The following ALK variants were observed in gnomAD, a reference collection of about 807,000 sequenced individuals.
ALK encodes the protein ALK receptor tyrosine kinase.
A neutral mutation model predicts 163.1 loss-of-function variants in ALK; 74 were observed. That is an observed-to-expected ratio of 0.45 (90% confidence interval 0.38 to 0.55). The LOEUF (loss-of-function observed/expected upper bound fraction) is 0.55. ALK is among the 20% of genes least tolerant of loss of function. The pLI, the probability that ALK is intolerant of heterozygous loss-of-function variation, is 0.00. For synonymous variants in ALK, 960 were observed against 843.2 expected (o/e 1.14, Z -2.40); for missense variants, 2,063 against 2,105.3 (o/e 0.98, Z 0.39).
intron 3 of ALK, among the ~76,000 whole-genome samples, chr2:29,638,309 A>G (rs887353886): frequency 1.3e-5 from 2 of 152,206 alleles, no homozygotes; most frequent in African/African-American, 4.8e-5. Flanking sequence ...ACATCAACAC[A>G]TAGTAACTTT....
chr2:29,294,090 T>A (rs755955229), intron 9 of ALK, among the ~76,000 whole-genome samples: 6 of 152,194 alleles, frequency 3.9e-5, no homozygotes, highest in Non-Finnish European at 5.9e-5. Flanking sequence ...GTGGGGCAGG[T>A]GGCGCCAGGT....
chr2:29,443,477 TG>T (rs1670595951), intron 4 of ALK, among the ~76,000 whole-genome samples: 2 of 152,200 alleles, frequency 1.3e-5, no homozygotes, highest in Non-Finnish European at 2.9e-5. Flanking sequence ...AGTCTTTCTT[TG>T]GTCTTTTGGC....
chr2:29,627,811 A>C (rs536402937), intron 3 of ALK, among the ~76,000 whole-genome samples: 1 of 152,368 alleles, frequency 6.6e-6, no homozygotes, highest in African/African-American at 2.4e-5. Context: ...TAATTTATTC[A>C]TTACCATTTA....
At chr2:29,548,078 CTTCT>C (rs1259880179) in intron 3 of ALK, among the ~76,000 whole-genome samples, 1 of 152,264 alleles carries the variant, frequency 6.6e-6, no homozygotes, top group East Asian at 1.9e-4. Flanking sequence ...CTGCTTCTTT[CTTCT>C]TTTTCTTGCC....
At chr2:29,540,286 C>T (rs1000446352) in intron 3 of ALK, among the ~76,000 whole-genome samples, 2 of 152,034 alleles carry the variant, frequency 1.3e-5, no homozygotes, top group Non-Finnish European at 2.9e-5. Context: ...ATTTTAAGAC[C>T]TTGAGAAGGG....
intron 4 of ALK, among the ~76,000 whole-genome samples, chr2:29,527,862 C>T (rs887449483): frequency 1.1e-4 from 16 of 152,144 alleles, no homozygotes; most frequent in Middle Eastern, 3.4e-3. Context: ...TCACATCACC[C>T]GCCTGGGCTT....
At chr2:29,423,652 A>G (rs1670071596) in intron 4 of ALK, among the ~76,000 whole-genome samples, 1 of 152,250 alleles carries the variant, frequency 6.6e-6, no homozygotes, top group Non-Finnish European at 1.5e-5. Flanking sequence ...TACATTGCAG[A>G]GGAAAAAGGC....
At chr2:29,400,840 T>C (rs1210237496) in intron 4 of ALK, among the ~76,000 whole-genome samples, 1 of 152,082 alleles carries the variant, frequency 6.6e-6, no homozygotes, top group Non-Finnish European at 1.5e-5. Flanking sequence ...CCAGGCATGG[T>C]GGCACATGCC....
At position 29,819,701 on chromosome 2, in the gene ALK, A is replaced by G. The variant is rs140273018; in HGVS notation, c.667+100292T>C. Among the ~76,000 whole-genome samples, 363 of 152,326 alleles carry G rather than the reference A, an allele frequency of 2.4e-3. 1 individual carries two copies. Among genetic ancestry groups the G allele is most frequent in the African/African-American group, 7.7e-3 (320 of 41,580 alleles). ...AAACAAGTAAACTCAGAGCTGTTGC[A>G]TGTGTTTTTTTGTTTGTTTTTGTTC... On this transcript the variant is annotated intron_variant, in intron 1 of 28. Transcript: ENST00000389048.
rs541729893 is a variant in ALK, at chr2:29,403,170, A to G, written c.1155-19311T>C. On this transcript the variant is annotated intron_variant, in intron 4 of 28. Coordinates refer to ENST00000389048, the MANE Select transcript of ALK (RefSeq NM_004304.5). ...CGTACCTAGAAGGTGGTAAGTGCTGAACAAATGTTAAATTCTGTTTCTGCC... is the reference window on the plus strand; with the variant it reads ...CGTACCTAGAAGGTGGTAAGTGCTGGACAAATGTTAAATTCTGTTTCTGCC... Among the ~76,000 whole-genome samples the G allele has an allele frequency of 2.0e-5, 3 of 152,316 alleles. No individual in the cohort carries two copies. The East Asian group carries it at 5.8e-4, about 29-fold the overall frequency.
chr2:29,407,292 C>T (rs1321189620), intron 4 of ALK, among the ~76,000 whole-genome samples: 1 of 152,200 alleles, frequency 6.6e-6, no homozygotes, highest in Non-Finnish European at 1.5e-5. Flanking sequence ...ATGAAGGATC[C>T]AGAAGACCTG....
chr2:29,286,531 T>C (rs1328754749), intron 9 of ALK: 1 of 152,128 alleles, frequency 6.6e-6, no homozygotes, highest in Non-Finnish European at 1.5e-5. Flanking sequence ...AAGAAAAAAA[T>C]ACGTTTTCCA....
chr2:29,858,148 A>G (rs1482429518), intron 1 of ALK, among the ~76,000 whole-genome samples: 1 of 152,084 alleles, frequency 6.6e-6, no homozygotes, highest in Non-Finnish European at 1.5e-5. Flanking sequence ...CACAGTCAGG[A>G]TTCAGAACAG....
intron 4 of ALK, among the ~76,000 whole-genome samples, chr2:29,423,062 C>G: frequency 6.6e-6 from 1 of 152,020 alleles, no homozygotes; most frequent in East Asian, 1.9e-4. Flanking sequence ...ATATTCCTGC[C>G]AGAAGAAGGA....
At chr2:29,494,795 C>A (rs982911114) in intron 4 of ALK, among the ~76,000 whole-genome samples, 1 of 151,448 alleles carries the variant, frequency 6.6e-6, no homozygotes, top group Non-Finnish European at 1.5e-5. Flanking sequence ...GACTTCCTGC[C>A]TAGTAAATTC....
intron 4 of ALK, among the ~76,000 whole-genome samples, chr2:29,419,572 G>A (rs963057132): frequency 2.6e-5 from 4 of 151,454 alleles, no homozygotes; most frequent in Non-Finnish European, 5.9e-5. Context: ...GGCTGGAATG[G>A]AGATCAGGGG....
At chr2:29,649,392 A>T (rs1425932518) in intron 3 of ALK, among the ~76,000 whole-genome samples, 1 of 152,116 alleles carries the variant, frequency 6.6e-6, no homozygotes, top group African/African-American at 2.4e-5. Flanking sequence ...TTCTGTTAGA[A>T]CTGCTATCAT....
At chr2:29,868,403 G>C (rs905137423) in intron 1 of ALK, among the ~76,000 whole-genome samples, 1 of 152,206 alleles carries the variant, frequency 6.6e-6, no homozygotes, top group Admixed American at 6.5e-5. Context: ...GGGAAAGACA[G>C]GCAGTAAATA....
chr2:29,447,162 T>G (rs1670705377), intron 4 of ALK, among the ~76,000 whole-genome samples: 1 of 152,086 alleles, frequency 6.6e-6, no homozygotes, highest in African/African-American at 2.4e-5. Flanking sequence ...TTGAATTAAG[T>G]CCAGATACCT....
Sources: allele counts gnomAD v4.1 joint callset (sites outside exome capture counted in the v4.1 genomes callset), GRCh38; gene constraint gnomAD v4.1.1; transcripts MANE v1.5; gene names NCBI Gene and HGNC (gene_info 2026-07-23, HGNC 2026-07-21).